NTM: variants seen among roughly 807,000 people sequenced by gnomAD.
NTM encodes neurotrimin.
A neutral mutation model predicts 42.1 loss-of-function variants in NTM; 13 were observed. That is an observed-to-expected ratio of 0.31 (90% CI 0.20 to 0.49). NTM has a LOEUF of 0.49. Among genes scored for constraint, NTM ranks in the 20% least tolerant of loss-of-function variants. NTM has a pLI of 0.99. For missense variants in NTM, 373 were observed against 452.8 expected (o/e 0.82, Z 1.60); for synonymous variants, 187 against 179.2 (o/e 1.04, Z -0.35).
intron 1 of NTM, among the ~76,000 whole-genome samples, chr11:131,560,168 G>GCAAC (rs1000017184): frequency 6.6e-6 from 1 of 152,164 alleles, no homozygotes; most frequent in Admixed American, 6.5e-5. Context: ...ACTGGCCTTT[G>GCAAC]CAACTCACAG....
chr11:131,408,584 G>A (rs1946060890), intron 1 of NTM, among the ~76,000 whole-genome samples: 1 of 152,174 alleles, frequency 6.6e-6, no homozygotes, highest in South Asian at 2.1e-4. Context: ...AGGCTGGTGT[G>A]AGTTCATTGC....
chr11:132,111,249 T>C (rs1224646656), intron 2 of NTM, among the ~76,000 whole-genome samples: 1 of 151,150 alleles, frequency 6.6e-6, no homozygotes, highest in Non-Finnish European at 1.5e-5. Flanking sequence ...TACGTTTGTG[T>C]TGTGTGTGTA....
intron 1 of NTM, among the ~76,000 whole-genome samples, chr11:131,609,218 A>C (rs568216618): frequency 1.2e-3 from 177 of 152,308 alleles, no homozygotes; most frequent in Non-Finnish European, 2.1e-3. Flanking sequence ...CCTTTCCCTG[A>C]GGCACGCAGG....
intron 1 of NTM, among the ~76,000 whole-genome samples, chr11:131,435,306 GT>G (rs1396984246): frequency 2.0e-5 from 3 of 152,210 alleles, no homozygotes. Flanking sequence ...CCTTAAAGTA[GT>G]TTTTTCCAAT....
chr11:132,112,641 C>T (rs1447656510), intron 2 of NTM, among the ~76,000 whole-genome samples: 2 of 151,774 alleles, frequency 1.3e-5, no homozygotes, highest in Admixed American at 6.6e-5. Context: ...ATCATGACGT[C>T]CCCCCGGGCT....
intron 3 of NTM, among the ~76,000 whole-genome samples, chr11:132,207,711 C>T (rs2082202793): frequency 6.6e-6 from 1 of 152,152 alleles, no homozygotes. Flanking sequence ...ATAGTGCTTG[C>T]CTTATGTTGT....
chr11:131,925,265 T>G (rs936559793), intron 2 of NTM, among the ~76,000 whole-genome samples: 3 of 152,196 alleles, frequency 2.0e-5, no homozygotes, highest in Non-Finnish European at 4.4e-5. Context: ...TATCCAGTGT[T>G]TTAATTGACA....
At chr11:131,544,252 G>A (rs1003728935) in intron 1 of NTM, among the ~76,000 whole-genome samples, 1 of 152,166 alleles carries the variant, frequency 6.6e-6, no homozygotes, top group Admixed American at 6.5e-5. Context: ...CAATTTCAAA[G>A]TAATACAATT....
At chr11:132,180,905 A>G (rs1419427732) in intron 3 of NTM, among the ~76,000 whole-genome samples, 3 of 152,202 alleles carry the variant, frequency 2.0e-5, no homozygotes, top group Non-Finnish European at 2.9e-5. Context: ...CAGGAAAAAA[A>G]AATGGGGAGA....
chr11:131,556,705 C>G (rs1331280422), intron 1 of NTM, among the ~76,000 whole-genome samples: 1 of 151,468 alleles, frequency 6.6e-6, no homozygotes, highest in Non-Finnish European at 1.5e-5. Flanking sequence ...GTAGCTGGGA[C>G]TACAGGCATG....
chr11:132,252,535 G>A (rs1027432689), intron 4 of NTM, among the ~76,000 whole-genome samples: 2 of 152,222 alleles, frequency 1.3e-5, no homozygotes, highest in East Asian at 1.9e-4. Flanking sequence ...GGGGAAGCCT[G>A]GAAGACAGTG....
intron 4 of NTM, among the ~76,000 whole-genome samples, chr11:132,268,656 TCCTCTCTC>T (rs747302029): frequency 1.8e-4 from 12 of 68,080 alleles, no homozygotes; most frequent in South Asian, 6.1e-4. Flanking sequence ...TGGTGTGGGG[TCCTCTCTC>T]TCTCTCTGTG....
chr11:131,813,863 G>T (rs2092838471), intron 1 of NTM, among the ~76,000 whole-genome samples: 1 of 152,086 alleles, frequency 6.6e-6, no homozygotes, highest in South Asian at 2.1e-4. Flanking sequence ...GTGAGGCCTT[G>T]GGGGAGTCCC....
chr11:131,538,465 G>A (rs1191653783), intron 1 of NTM: 6 of 152,266 alleles, frequency 3.9e-5, no homozygotes. Context: ...ATCCTACTCT[G>A]TATATGGTAC....
At chr11:131,592,785 C>A (rs1432645869) in intron 1 of NTM, among the ~76,000 whole-genome samples, 1 of 152,038 alleles carries the variant, frequency 6.6e-6, no homozygotes, top group Non-Finnish European at 1.5e-5. Flanking sequence ...CCCTGGCCTG[C>A]CACACTCCCC....
intron 1 of NTM, among the ~76,000 whole-genome samples, chr11:131,664,850 G>A (rs1398061801): frequency 6.9e-6 from 1 of 145,390 alleles, no homozygotes; most frequent in South Asian, 2.2e-4. Context: ...ATCCTTTAAT[G>A]ACAGACAGAA....
chr11:131,397,793 C>T (rs906315219), intron 1 of NTM, among the ~76,000 whole-genome samples: 1 of 152,138 alleles, frequency 6.6e-6, no homozygotes, highest in Non-Finnish European at 1.5e-5. Flanking sequence ...TGTACGTGTC[C>T]CCAGTTCTTA....
rs902482382 is a variant in NTM at position 132,014,092 on chromosome 11, C to G, written c.167+102444C>G. Among the ~76,000 whole-genome samples, 8 of 152,166 alleles carry G rather than the reference C, an allele frequency of 5.3e-5. 1 individual carries two copies. The highest frequency in any genetic ancestry group is 4.6e-4 in the Admixed American group (7 of 15,258). On this transcript the variant is annotated intron_variant, in intron 2 of 8. Transcript: ENST00000683400. ...ACATCCTTCGGTAATAATCATTCTA[C>G]TCTCTACCTCCGTGAGATTTTTGGC...
chr11:132,146,488 C>G lies in NTM; in HGVS notation c.374C>G (p.Thr125Ser). The change falls in exon 3 of 9, where the codon ACC becomes AGC. Residue 125 changes from threonine (T) to serine (S), a missense_variant. By Grantham distance (58) the Thr-to-Ser change is moderately conservative. Around this residue, in one of 3 missense-constraint regions of NTM, gnomAD observed 312 missense variants for 353.5 expected, o/e 0.88. Coordinates refer to ENST00000683400, the MANE Select transcript of NTM (RefSeq NM_001352005.2). This position sits in a 1 kb window ranked among gnomAD's most constrained non-coding sequence, Gnocchi z 4.5. ...GTGCAGACAGACAACCACCCAAAGA[C>G]CTCTAGGGTCCACCTCATTGTGCAA... is the stretch of plus-strand genomic sequence containing the variant. ...CSVQTDNHPK[T>S]SRVHLIVQVS... is the part of the protein sequence containing the mutation. The G allele has an allele frequency of 6.2e-7, 1 of 1,614,164 alleles. No individual in the cohort carries two copies. Among genetic ancestry groups the G allele is most frequent in the Non-Finnish European group, 8.5e-7 (1 of 1,180,024 alleles).
Sources: allele counts gnomAD v4.1 joint callset (sites outside exome capture counted in the v4.1 genomes callset), GRCh38; gene constraint gnomAD v4.1.1; regional missense constraint gnomAD v4.1.1; non-coding constraint Gnocchi (gnomAD v3.1); transcripts MANE v1.5; gene names NCBI Gene and HGNC (gene_info 2026-07-23, HGNC 2026-07-21).